The following ATG2B variants were observed in gnomAD, a reference collection of about 807,000 sequenced individuals.
ATG2B encodes the protein autophagy-related protein 2 homolog B.
ATG2B carries 121 observed loss-of-function variants against 241.3 expected under a neutral mutation model. The observed-to-expected ratio is 0.50, with a 90% CI of 0.43 to 0.58. ATG2B has a LOEUF of 0.58. ATG2B is among the 20% of genes least tolerant of loss of function. The pLI is 0.00. For missense variants in ATG2B, 2,306 were observed against 2,491.6 expected, an observed-to-expected ratio of 0.93 and a Z score of 1.59; for synonymous variants, 858 against 876.6, an observed-to-expected ratio of 0.98 and a Z score of 0.37.
Position 96,281,623 on chromosome 14 carries a change from G to T in ATG2B, c.*4132C>A, listed in dbSNP as rs146028187. ...ACTAGAAATCGGAAGCTGCCATTTC[G>T]TATACACAAAATACAAGTGAAACAG... On this transcript the variant is annotated 3_prime_UTR_variant, in exon 42 of 42. Transcript: ENST00000359933. 6.6e-6 allele frequency: 1 copy of T among 152,180 alleles called. No individual in the cohort carries two copies. Among genetic ancestry groups the T allele is most frequent in the Admixed American group, 6.5e-5 (1 of 15,282 alleles). 9.4% of individuals were successfully genotyped at this position (152,180 alleles called of 1,614,324 possible). A position where few individuals can be genotyped will look rare whatever the true frequency, so the allele number is the denominator to read the frequency against.
At chr14:96,342,425 T>C (rs1001824821) in intron 5 of ATG2B, among the ~76,000 whole-genome samples, 1 of 152,102 alleles carries the variant, frequency 6.6e-6, no homozygotes, top group Non-Finnish European at 1.5e-5. Flanking sequence ...ATAAGGCATA[T>C]ATGAAACATA....
intron 6 of ATG2B, 65 bp downstream of exon 6, chr14:96,341,457 C>T (rs1436764077): frequency 3.1e-6 from 4 of 1,290,188 alleles, no homozygotes; most frequent in Non-Finnish European, 4.2e-6. Flanking sequence ...TGAATCACTG[C>T]ATAGAATAAA....
At position 96,344,707 on chromosome 14, in the gene ATG2B, T is replaced by C. The variant is rs1186891555; in HGVS notation, c.528A>G (p.Glu176=). Residue 176 remains glutamate (E), a synonymous_variant, in exon 4 of 42, where the codon GAA becomes GAG. Coordinates refer to ENST00000359933, the MANE Select transcript of ATG2B (RefSeq NM_018036.7). ...VTFIDTVLRI[E]HVPENSKTGT... Reference sequence around the variant, plus strand: ...CAGTTTTGGAATTTTCTGGCACATGTTCAATTCTCAAAACAGTATCTATAA... The same window carrying C: ...CAGTTTTGGAATTTTCTGGCACATGCTCAATTCTCAAAACAGTATCTATAA... The C allele has an allele frequency of 1.2e-6, 2 of 1,607,258 alleles. No individual in the cohort carries two copies. The highest frequency in any genetic ancestry group is 1.1e-5 in the South Asian group (1 of 89,976).
At chr14:96,309,767 C>G (rs1301526520) in intron 28 of ATG2B, among the ~76,000 whole-genome samples, 173 bp from the exon 29 acceptor site, 1 of 152,104 alleles carries the variant, frequency 6.6e-6, no homozygotes. Flanking sequence ...GTATTATCAC[C>G]CTAACAAATA....
chr14:96,343,323 G>A (rs758385463), intron 4 of ATG2B, 42 bp from the exon 5 acceptor site: 1 of 1,475,540 alleles, frequency 6.8e-7, no homozygotes, highest in East Asian at 2.3e-5. Flanking sequence ...GCTCCTAGGG[G>A]TGCAGCGCAC....
chr14:96,286,603 T>C (rs1210271800), intron 41 of ATG2B, among the ~76,000 whole-genome samples: 12 of 152,338 alleles, frequency 7.9e-5, no homozygotes, highest in Admixed American at 2.0e-4. Flanking sequence ...ATTGCTAAGC[T>C]TTCTTTTTCA....
At chr14:96,329,675 A>T in intron 11 of ATG2B, 41 bp from the exon 12 acceptor site, 1 of 1,343,536 alleles carries the variant, frequency 7.4e-7, no homozygotes, top group South Asian at 1.3e-5. Flanking sequence ...TTAGTGTTAA[A>T]ATGTAACAAT....
intron 6 of ATG2B, among the ~76,000 whole-genome samples, chr14:96,337,663 C>A (rs1595323457): frequency 6.6e-6 from 1 of 152,156 alleles, no homozygotes; most frequent in African/African-American, 2.4e-5. Context: ...CAGTACCATA[C>A]TGTTTTGCTA....
At chr14:96,321,986 A>G (rs1887470138) in intron 18 of ATG2B, 126 bp downstream of exon 18, 1 of 702,724 alleles carries the variant, frequency 1.4e-6, no homozygotes, top group Non-Finnish European at 2.3e-6. Flanking sequence ...CACCATCAAC[A>G]CCACACAAAG....
Position 96,328,479 on chromosome 14 carries a change from T to C in ATG2B, c.2031A>G (p.Leu677=). 1 of 1,613,196 alleles carries C rather than the reference T, an allele frequency of 6.2e-7. No individual in the cohort carries two copies. Among genetic ancestry groups the C allele is most frequent in the African/African-American group, 1.3e-5 (1 of 74,906 alleles). The change falls in exon 14 of 42, where the codon TTA becomes TTG. Residue 677 remains leucine, a synonymous_variant. Transcript: ENST00000359933. ...VPHKAELQIK[L]NPVCCELDIS... ...TATCCAGCTCACAACACACTGGATT[T>C]AATTTAATTTGCAATTCTGCCTTGT...
At chr14:96,354,265 A>G (rs61137326) in intron 1 of ATG2B, among the ~76,000 whole-genome samples, 3,687 of 152,264 alleles carry the variant, frequency 0.024, 154 homozygotes, top group African/African-American at 0.084. Context: ...TCCATTAGCT[A>G]TTCTTCCTGA....
At chr14:96,345,622 C>T (rs1192793624) in intron 2 of ATG2B, among the ~76,000 whole-genome samples, 2 of 152,146 alleles carry the variant, frequency 1.3e-5, no homozygotes, top group African/African-American at 2.4e-5. Context: ...GCTCTCACAA[C>T]ATGTTATATT....
chr14:96,356,537 A>G (rs1328203854), intron 1 of ATG2B, among the ~76,000 whole-genome samples: 1 of 152,206 alleles, frequency 6.6e-6, no homozygotes, highest in East Asian at 1.9e-4. Context: ...TTAAAACGCA[A>G]TGGAAAAACT....
intron 18 of ATG2B, among the ~76,000 whole-genome samples, chr14:96,319,437 T>C (rs1887402980): frequency 6.6e-6 from 1 of 152,250 alleles, no homozygotes; most frequent in African/African-American, 2.4e-5. Flanking sequence ...TTTTATATTC[T>C]ATTTTAAACA....
At chr14:96,337,752 T>C (rs1288403492) in intron 6 of ATG2B, among the ~76,000 whole-genome samples, 1 of 152,128 alleles carries the variant, frequency 6.6e-6, no homozygotes, top group Non-Finnish European at 1.5e-5. Context: ...TTGTTTTGGC[T>C]GTGGTGGGCT....
intron 29 of ATG2B, among the ~76,000 whole-genome samples, chr14:96,308,024 C>A: frequency 7.3e-6 from 1 of 137,282 alleles, no homozygotes; most frequent in Admixed American, 7.5e-5. Context: ...TACAGCAGTA[C>A]CTCAGAATTA....
chr14:96,351,164 A>G (rs945157995), intron 1 of ATG2B, among the ~76,000 whole-genome samples: 1 of 152,228 alleles, frequency 6.6e-6, no homozygotes, highest in African/African-American at 2.4e-5. Flanking sequence ...TCAAGCTTGT[A>G]TCTACATTTT....
chr14:96,344,922 T>C (rs1005334692), intron 3 of ATG2B, among the ~76,000 whole-genome samples, 166 bp from the exon 4 acceptor site: 2 of 152,188 alleles, frequency 1.3e-5, no homozygotes, highest in Non-Finnish European at 2.9e-5. Context: ...GTAATAAATA[T>C]TTTGTCTTAC....
Position 96,341,556 on chromosome 14 carries a change from G to T in ATG2B, c.890C>A (p.Thr297Lys), listed in dbSNP as rs748299841. 1.2e-6 allele frequency: 2 copies of T among 1,601,110 alleles called. No homozygotes were observed. Among genetic ancestry groups the T allele is most frequent in the Non-Finnish European group, 8.5e-7 (1 of 1,172,660 alleles). The change falls in exon 6 of 42, where the codon ACG becomes AAG. Residue 297 changes from threonine (T) to lysine (K), a missense_variant. Thr to Lys is a moderately conservative substitution (Grantham distance 78, BLOSUM62 -1). This residue lies in a region of ATG2B where 1,927 missense variants were observed against 2,011.2 expected (regional missense o/e 0.96). Coordinates refer to ENST00000359933, the MANE Select transcript of ATG2B (RefSeq NM_018036.7). ...AGGAAGCACTTCATTCTGTTTCAAC[G>T]TGAGACTCAACTCCAACCTACCAAT... The part of the protein sequence containing the change: ...RLIGRLELSL[T>K]LKQNEVLPGA...
Sources: allele counts gnomAD v4.1 joint callset (sites outside exome capture counted in the v4.1 genomes callset), GRCh38; gene constraint gnomAD v4.1.1; regional missense constraint gnomAD v4.1.1; transcripts MANE v1.5; gene names NCBI Gene and HGNC (gene_info 2026-07-23, HGNC 2026-07-21).